APOE: variants seen among roughly 807,000 people sequenced by gnomAD.
The protein encoded by APOE is apolipoprotein E.
Under a neutral mutation model 13.1 loss-of-function variants are expected in APOE, and 10 were observed. That is an observed-to-expected ratio of 0.76 (90% CI 0.47 to 1.29). APOE has a LOEUF of 1.29. APOE is among the 50% of genes most tolerant of loss of function. The pLI is 0.00. For missense variants in APOE, 471 were observed against 459.6 expected, an observed-to-expected ratio of 1.02 and a Z score of -0.23; for synonymous variants, 211 against 207.1, an observed-to-expected ratio of 1.02 and a Z score of -0.16.
At position 44,908,765 on chromosome 19, in the gene APOE, T is replaced by G; in HGVS notation, c.469T>G (p.Ser157Ala). Residue 157 changes from serine (S) to alanine (A), a missense_variant, in exon 4 of 4, where the codon TCC becomes GCC. Transcript: ENST00000252486. ...STEELRVRLA[S>A]HLRKLRKRLL... is the part of the protein sequence containing the mutation. ...CGAGGAGCTGCGGGTGCGCCTCGCC[T>G]CCCACCTGCGCAAGCTGCGTAAGCG... is the stretch of plus-strand genomic sequence containing the variant. The G allele has an allele frequency of 1.3e-6, 2 of 1,560,380 alleles. No individual in the cohort carries two copies. The highest frequency in any genetic ancestry group is 1.7e-6 in the Non-Finnish European group (2 of 1,154,508).
chr19:44,909,040 C>G lies in APOE; in HGVS notation c.744C>G (p.Asp248Glu), dbSNP rs1221046029. 2.6e-6 allele frequency: 4 copies of G among 1,551,298 alleles called. No homozygotes were observed. Among genetic ancestry groups the G allele is most frequent in the African/African-American group, 2.7e-5 (2 of 73,486 alleles). ...EMGSRTRDRL[D>E]EVKEQVAEVR... Reference sequence around the variant, plus strand: ...GCAGCCGGACCCGCGACCGCCTGGACGAGGTGAAGGAGCAGGTGGCGGAGG... The same window carrying G: ...GCAGCCGGACCCGCGACCGCCTGGAGGAGGTGAAGGAGCAGGTGGCGGAGG... The change falls in exon 4 of 4, where the codon GAC becomes GAG. Residue 248 changes from aspartate to glutamate, a missense_variant. By Grantham distance (45) the Asp-to-Glu change is conservative. Transcript: ENST00000252486.
Position 44,909,356 on chromosome 19 carries a change from G to A in APOE, c.*106G>A. On this transcript the variant is annotated 3_prime_UTR_variant, in exon 4 of 4. Transcript: ENST00000252486. ...CCCGCCCCAGCCGTCCTCCTGGGGT[G>A]GACCCTAGTTTAATAAAGATTCACC... The A allele has an allele frequency of 9.5e-7, 1 of 1,056,314 alleles. No individual in the cohort carries two copies. The highest frequency in any genetic ancestry group is 1.4e-6 in the Non-Finnish European group (1 of 707,276). 65.4% of individuals were successfully genotyped at this position (1,056,314 alleles called of 1,614,324 possible).
chr19:44,906,892 T>C lies in APOE; in HGVS notation c.43+225T>C, dbSNP rs538246559. The C allele has an allele frequency of 1.0e-5, 6 of 589,592 alleles. No individual in the cohort carries two copies. The East Asian group carries it at 1.4e-4, about 14-fold the overall frequency. The allele number at this position is 589,592 out of a possible 1,614,324, so 36.5% of individuals were successfully genotyped here. A position where few individuals can be genotyped will look rare whatever the true frequency, so the allele number is the denominator to read the frequency against. On this transcript the variant is annotated intron_variant, in intron 2 of 3. Transcript: ENST00000252486. Reference sequence around the variant, plus strand: ...GTTGTTGTTTGTTGTTGTTGTTTTGTTTTTTTGAGATGAAGTCTCGCTCTG... The same window carrying C: ...GTTGTTGTTTGTTGTTGTTGTTTTGCTTTTTTGAGATGAAGTCTCGCTCTG...
At position 44,906,365 on chromosome 19, in the gene APOE, AGAGGAAGATGGAATTTTCTATG is replaced by A. The variant is rs571735137; in HGVS notation, c.-23-232_-23-211del. 64 of 571,806 alleles carry A rather than the reference AGAGGAAGATGGAATTTTCTATG, an allele frequency of 1.1e-4. No individual in the cohort carries two copies. In the East Asian group the frequency reaches 1.3e-3, roughly 12 times the overall value. The allele number at this position is 571,806 out of a possible 1,614,324, so 35.4% of individuals were successfully genotyped here. ...GGGGGGATGGAATTTGAACCCCGGG[AGAGGAAGATGGAATTTTCTATG>A]GAGGCCGACCTGGGGATGGGGAGAT... is the stretch of plus-strand genomic sequence containing the variant. On this transcript the variant is annotated intron_variant, in intron 1 of 3. Coordinates refer to ENST00000252486, the MANE Select transcript of APOE (RefSeq NM_000041.4).
rs267606663 is a variant in APOE at position 44,909,021 on chromosome 19, G to C, written c.725G>C (p.Arg242Pro). ...GCGCGGATGGAGGAGATGGGCAGCC[G>C]GACCCGCGACCGCCTGGACGAGGTG... ...LRARMEEMGS[R>P]TRDRLDEVKE... The change falls in exon 4 of 4, where the codon CGG becomes CCG. Residue 242 changes from arginine to proline, a missense_variant. By Grantham distance (103) the Arg-to-Pro change is moderately radical. Coordinates refer to ENST00000252486, the MANE Select transcript of APOE (RefSeq NM_000041.4). The C allele has an allele frequency of 7.1e-6, 11 of 1,539,848 alleles. No homozygotes were observed. The highest frequency in any genetic ancestry group is 8.7e-7 in the Non-Finnish European group (1 of 1,148,308).
chr19:44,906,689 G>A, intron 2 of APOE, 22 bp downstream of exon 2: 5 of 1,612,556 alleles, frequency 3.1e-6, no homozygotes, highest in Non-Finnish European at 4.2e-6. Flanking sequence ...GGGCTTGCTC[G>A]GTTCCCCCCG....
rs1379616560 is a variant in APOE, at chr19:44,907,482, A to T, written c.44-278A>T. Among the ~76,000 whole-genome samples, 2 of 152,178 alleles carry T rather than the reference A, an allele frequency of 1.3e-5. No individual in the cohort carries two copies. The highest frequency in any genetic ancestry group is 3.9e-4 in the East Asian group (2 of 5,176). On this transcript the variant is annotated intron_variant, in intron 2 of 3. Transcript: ENST00000252486. The surrounding 1 kb of genome is among the most constrained non-coding windows in gnomAD (Gnocchi z 4.1). ...CATGGTGCCACACACCTGTGCTCTC[A>T]GCTACTCAGGAGGCTGAGGCAGGAG...
chr19:44,905,990 A>T, intron 1 of APOE, 149 bp downstream of exon 1: 1 of 1,200,984 alleles, frequency 8.3e-7, no homozygotes, highest in Non-Finnish European at 1.1e-6. Flanking sequence ...GGCAAGCAGC[A>T]GGGGACTGGA....
rs1347476726 is a variant in APOE at position 44,908,791 on chromosome 19, G to A, written c.495G>A (p.Arg165=). The change falls in exon 4 of 4, where the codon CGG becomes CGA. Residue 165 remains arginine (R), a synonymous_variant. Coordinates refer to ENST00000252486, the MANE Select transcript of APOE (RefSeq NM_000041.4). ...LASHLRKLRK[R]LLRDADDLQK... ...CCCACCTGCGCAAGCTGCGTAAGCG[G>A]CTCCTCCGCGATGCCGATGACCTGC... is the stretch of plus-strand genomic sequence containing the variant. 1.3e-6 allele frequency: 2 copies of A among 1,553,958 alleles called. No individual in the cohort carries two copies. The highest frequency in any genetic ancestry group is 1.2e-5 in the South Asian group (1 of 84,862).
At position 44,908,899 on chromosome 19, in the gene APOE, C is replaced by A; in HGVS notation, c.603C>A (p.Pro201=). The part of the protein sequence containing the change: ...GLSAIRERLG[P]LVEQGRVRAA... ...GCGCCATCCGCGAGCGCCTGGGGCC[C>A]CTGGTGGAACAGGGCCGCGTGCGGG... The change falls in exon 4 of 4, where the codon CCC becomes CCA. Residue 201 remains proline, a synonymous_variant. Transcript: ENST00000252486. The A allele has an allele frequency of 6.8e-7, 1 of 1,475,626 alleles. No individual in the cohort carries two copies. The highest frequency in any genetic ancestry group is 8.9e-7 in the Non-Finnish European group (1 of 1,121,706). 91.4% of individuals were successfully genotyped at this position (1,475,626 alleles called of 1,614,324 possible). A position where few individuals can be genotyped will look rare whatever the true frequency, so the allele number is the denominator to read the frequency against.
intron 2 of APOE, chr19:44,906,940 G>T: frequency 2.0e-6 from 1 of 497,080 alleles, no homozygotes; most frequent in East Asian, 3.6e-5. Flanking sequence ...GAGTGCAGTG[G>T]CGGGATCTCG....
Position 44,907,900 on chromosome 19 carries a change from T to C in APOE, c.184T>C (p.Ser62Pro). The C allele has an allele frequency of 6.2e-7, 1 of 1,613,982 alleles. No individual in the cohort carries two copies. Among genetic ancestry groups the C allele is most frequent in the South Asian group, 1.1e-5 (1 of 91,080 alleles). ...WDYLRWVQTLSEQVQEELLSS... is the reference protein window; with the variant it reads ...WDYLRWVQTLPEQVQEELLSS... ...TTACCTGCGCTGGGTGCAGACACTG[T>C]CTGAGCAGGTGCAGGAGGAGCTGCT... The change falls in exon 3 of 4, where the codon TCT becomes CCT. Residue 62 changes from serine to proline, a missense_variant. Ser to Pro is a moderately conservative substitution (Grantham distance 74). Coordinates refer to ENST00000252486, the MANE Select transcript of APOE (RefSeq NM_000041.4). The surrounding 1 kb of genome is among the most constrained non-coding windows in gnomAD (Gnocchi z 4.1).
chr19:44,906,947 C>T (rs970773204), intron 2 of APOE: 9 of 480,046 alleles, frequency 1.9e-5, no homozygotes, highest in African/African-American at 1.8e-4. Flanking sequence ...GTGGCGGGAT[C>T]TCGGCTCACT....
chr19:44,908,014 G>A (rs1262361780), intron 3 of APOE, 62 bp downstream of exon 3: 16 of 1,518,932 alleles, frequency 1.1e-5, no homozygotes, highest in South Asian at 3.5e-5. Flanking sequence ...CCCAGGTCCA[G>A]GTTTCATTCT....
At chr19:44,906,992 TGCCTCA>T in intron 2 of APOE, 1 of 366,736 alleles carries the variant, frequency 2.7e-6, no homozygotes, top group East Asian at 5.8e-5. Context: ...GCCATTCTCC[TGCCTCA>T]GCCTCCCAAG....
At chr19:44,906,726 ACCT>A in intron 2 of APOE, 59 bp downstream of exon 2, 1 of 1,564,436 alleles carries the variant, frequency 6.4e-7, no homozygotes, top group African/African-American at 1.4e-5. Flanking sequence ...CCTCACCTCA[ACCT>A]CCTGGCCCCA....
rs941248161 is a variant in APOE, at chr19:44,908,951, C to G, written c.655C>G (p.Gln219Glu). Reference protein sequence around the residue: ...RAATVGSLAGQPLQERAQAWG... With the variant: ...RAATVGSLAGEPLQERAQAWG... ...CGCCACTGTGGGCTCCCTGGCCGGC[C>G]AGCCGCTACAGGAGCGGGCCCAGGC... Residue 219 changes from glutamine (Q) to glutamate (E), a missense_variant, in exon 4 of 4, where the codon CAG becomes GAG. Coordinates refer to ENST00000252486, the MANE Select transcript of APOE (RefSeq NM_000041.4). The G allele has an allele frequency of 5.4e-5, 82 of 1,516,508 alleles. No individual in the cohort carries two copies. The highest frequency in any genetic ancestry group is 6.9e-5 in the Non-Finnish European group (79 of 1,138,070). 93.9% of individuals were successfully genotyped at this position (1,516,508 alleles called of 1,614,324 possible). A position where few individuals can be genotyped will look rare whatever the true frequency, so the allele number is the denominator to read the frequency against.
chr19:44,905,917 C>T (rs1301223903), intron 1 of APOE, 76 bp downstream of exon 1: 12 of 1,295,808 alleles, frequency 9.3e-6, no homozygotes, highest in Middle Eastern at 3.1e-4. Flanking sequence ...GAACCCCTGG[C>T]CTCCAGGTAG....
In APOE at chr19:44,908,675, G is replaced by A; in HGVS notation, c.379G>A (p.Glu127Lys). Residue 127 changes from glutamate (E) to lysine (K), a missense_variant, in exon 4 of 4, where the codon GAG becomes AAG. Glu to Lys is a moderately conservative substitution (Grantham distance 56, BLOSUM62 1). Coordinates refer to ENST00000252486, the MANE Select transcript of APOE (RefSeq NM_000041.4). ...GCAGGCCCGGCTGGGCGCGGACATGGAGGACGTGTGCGGCCGCCTGGTGCA... is the reference window on the plus strand; with the variant it reads ...GCAGGCCCGGCTGGGCGCGGACATGAAGGACGTGTGCGGCCGCCTGGTGCA... ...AAQARLGADM[E>K]DVCGRLVQYR... The A allele has an allele frequency of 1.3e-6, 2 of 1,575,384 alleles. No individual in the cohort carries two copies. The highest frequency in any genetic ancestry group is 1.7e-6 in the Non-Finnish European group (2 of 1,160,974).
Sources: allele counts gnomAD v4.1 joint callset (sites outside exome capture counted in the v4.1 genomes callset), GRCh38; gene constraint gnomAD v4.1.1; non-coding constraint Gnocchi (gnomAD v3.1); transcripts MANE v1.5; gene names NCBI Gene and HGNC (gene_info 2026-07-23, HGNC 2026-07-21).